SYTL2: variants seen among roughly 807,000 people sequenced by gnomAD.
SYTL2 encodes synaptotagmin like 2.
Under a neutral mutation model 198.7 loss-of-function variants are expected in SYTL2, and 165 were observed. The ratio of observed to expected loss-of-function variants is 0.83; its 90% CI spans 0.73 to 0.94. SYTL2 has a LOEUF of 0.94. SYTL2 is among the 40% of genes least tolerant of loss of function. The pLI, the probability that SYTL2 is intolerant of heterozygous loss-of-function variation, is 0.00. For missense variants in SYTL2, 2,835 were observed against 2,582.8 expected (o/e 1.10, Z -2.12); for synonymous variants, 966 against 917.7 (o/e 1.05, Z -0.95).
At chr11:85,783,414 A>G (rs775260136) in intron 1 of SYTL2, among the ~76,000 whole-genome samples, 12 of 152,172 alleles carry the variant, frequency 7.9e-5, no homozygotes, top group Non-Finnish European at 1.3e-4. Context: ...CTACAATTCA[A>G]GATGATATTT....
At position 85,734,424 on chromosome 11, in the gene SYTL2, G is replaced by A. The variant is rs2090137043; in HGVS notation, c.905C>T (p.Ser302Leu). ...HNFEPKSKIV[S>L]PGLTIHERIS... Reference sequence around the variant, plus strand: ...TCTCTCATGGATGGTTAGGCCAGGTGACACAATTTTGCTTTTGGGTTCAAA... The same window carrying A: ...TCTCTCATGGATGGTTAGGCCAGGTAACACAATTTTGCTTTTGGGTTCAAA... Residue 302 changes from serine to leucine, a missense_variant, in exon 7 of 20, where the codon TCA becomes TTA. Around this residue, in one of 3 missense-constraint regions of SYTL2, gnomAD observed 2,645 missense variants for 2,381.7 expected, o/e 1.11. Coordinates refer to ENST00000359152, the MANE Select transcript of SYTL2 (RefSeq NM_206927.4). The A allele has an allele frequency of 1.9e-6, 3 of 1,614,066 alleles. No homozygotes were observed. Among genetic ancestry groups the A allele is most frequent in the African/African-American group, 1.3e-5 (1 of 74,930 alleles).
intron 2 of SYTL2, among the ~76,000 whole-genome samples, chr11:85,752,937 A>G (rs989331344): frequency 1.4e-5 from 2 of 141,508 alleles, no homozygotes; most frequent in Non-Finnish European, 3.0e-5. Flanking sequence ...AAAAAAAAAA[A>G]AAAAAAAAAA....
intron 1 of SYTL2, among the ~76,000 whole-genome samples, chr11:85,800,218 G>T (rs1272450935): frequency 6.6e-6 from 1 of 152,124 alleles, no homozygotes; most frequent in African/African-American, 2.4e-5. Context: ...ACAGTGAAAG[G>T]GCTTGGGGAT....
In SYTL2 at chr11:85,726,888, C is replaced by G; in HGVS notation, c.2470G>C (p.Ala824Pro). 6.5e-7 allele frequency: 1 copy of G among 1,536,634 alleles called. No individual in the cohort carries two copies. Among genetic ancestry groups the G allele is most frequent in the Non-Finnish European group, 8.7e-7 (1 of 1,146,990 alleles). ...TSSCSQEQPS[A>P]KAYQPVKKSQ... ...TTCTTCACAGGCTGATATGCTTTAG[C>G]AGAAGGTTGTTCCTGGCTACATGAA... The change falls in exon 8 of 20, where the codon GCT (alanine) becomes CCT (proline). Residue 824 changes from alanine (A) to proline (P), a missense_variant. Physicochemically the swap from Ala to Pro is conservative, Grantham distance 27. Around this residue, in one of 3 missense-constraint regions of SYTL2, gnomAD observed 2,645 missense variants for 2,381.7 expected, o/e 1.11. Transcript: ENST00000359152.
intron 2 of SYTL2, among the ~76,000 whole-genome samples, chr11:85,748,846 G>A (rs1200260150): frequency 6.6e-6 from 1 of 152,166 alleles, no homozygotes; most frequent in African/African-American, 2.4e-5. Context: ...GTTTAACCGA[G>A]TGAATTCATT....
At position 85,725,829 on chromosome 11, in the gene SYTL2, A is replaced by C; in HGVS notation, c.3529T>G (p.Phe1177Val). Residue 1177 changes from phenylalanine (F) to valine (V), a missense_variant, in exon 8 of 20, where the codon TTT becomes GTT. Coordinates refer to ENST00000359152, the MANE Select transcript of SYTL2 (RefSeq NM_206927.4). ...ENRTWPQKTDFADTEEEVKGP... is the reference protein window; with the variant it reads ...ENRTWPQKTDVADTEEEVKGP... Reference sequence around the variant, plus strand: ...TTGACTTCTTCCTCAGTATCAGCAAAATCTGTTTTTTGAGGCCATGTCCTA... The same window carrying C: ...TTGACTTCTTCCTCAGTATCAGCAACATCTGTTTTTTGAGGCCATGTCCTA... 1.2e-6 allele frequency: 2 copies of C among 1,613,984 alleles called. No individual in the cohort carries two copies. The highest frequency in any genetic ancestry group is 1.7e-6 in the Non-Finnish European group (2 of 1,179,956).
chr11:85,766,532 G>T (rs117261982), intron 1 of SYTL2, among the ~76,000 whole-genome samples: 1 of 152,170 alleles, frequency 6.6e-6, no homozygotes. Context: ...ATATCCATGG[G>T]CTTTTATTAA....
chr11:85,756,405 A>C (rs534166693), intron 2 of SYTL2, among the ~76,000 whole-genome samples: 1 of 152,222 alleles, frequency 6.6e-6, no homozygotes, highest in East Asian at 1.9e-4. Context: ...CCCTTCCTCC[A>C]TTGCCAGGTC....
chr11:85,847,605 C>T, the SYTL2 span, among the ~76,000 whole-genome samples: 1 of 152,276 alleles, frequency 6.6e-6, no homozygotes, highest in East Asian at 1.9e-4. Context: ...ATGAAAGTTC[C>T]AGTTACTCCA....
chr11:85,816,915 CAAAAAA>C, the SYTL2 span, among the ~76,000 whole-genome samples: 3 of 80,918 alleles, frequency 3.7e-5, no homozygotes, highest in South Asian at 4.9e-4. Context: ...AACCCTGTCT[CAAAAAA>C]AAAAAAAAAA....
At chr11:85,792,183 T>A (rs146851538) in intron 1 of SYTL2, among the ~76,000 whole-genome samples, 1 of 152,140 alleles carries the variant, frequency 6.6e-6, no homozygotes, top group East Asian at 1.9e-4. Context: ...GAAGAGGACA[T>A]GACTTACTTG....
Position 85,709,440 on chromosome 11 carries a change from T to C in SYTL2, c.5806A>G (p.Asn1936Asp), listed in dbSNP as rs896636241. 4.3e-6 allele frequency: 7 copies of C among 1,614,022 alleles called. No individual in the cohort carries two copies. In the Admixed American group the frequency reaches 8.3e-5, roughly 19 times the overall value. ...GDFGNLEVKG[N>D]IQFAIEYVES... ...ACATATTCAATTGCAAACTGAATAT[T>C]TCCTTTAACTTCCAGATTGCCAAAG... is the stretch of plus-strand genomic sequence containing the variant. The change falls in exon 14 of 20, where the codon AAT (asparagine) becomes GAT (aspartate). Residue 1936 changes from asparagine to aspartate, a missense_variant. Asn to Asp is a conservative substitution (Grantham distance 23). This residue lies in a region of SYTL2 where 2,645 missense variants were observed against 2,381.7 expected (regional missense o/e 1.11). Transcript: ENST00000359152.
At chr11:85,765,641 T>C (rs1473022010) in intron 1 of SYTL2, among the ~76,000 whole-genome samples, 1 of 152,228 alleles carries the variant, frequency 6.6e-6, no homozygotes, top group African/African-American at 2.4e-5. Flanking sequence ...GCCATCTTTC[T>C]ACTTCATTCA....
intron 2 of SYTL2, among the ~76,000 whole-genome samples, chr11:85,749,396 A>T (rs1479115528): frequency 6.6e-6 from 1 of 152,176 alleles, no homozygotes; most frequent in African/African-American, 2.4e-5. Context: ...ACTAATATGC[A>T]CTCTTCCTCA....
At chr11:85,786,110 A>C (rs917261779) in intron 1 of SYTL2, among the ~76,000 whole-genome samples, 1 of 152,240 alleles carries the variant, frequency 6.6e-6, no homozygotes, top group Non-Finnish European at 1.5e-5. Context: ...ACTTGGATGA[A>C]TCTCAAGGGA....
At chr11:85,802,816 A>G (rs1215827114) in intron 1 of SYTL2, among the ~76,000 whole-genome samples, 1 of 152,242 alleles carries the variant, frequency 6.6e-6, no homozygotes, top group East Asian at 1.9e-4. Context: ...GGAAGTTGAG[A>G]GTCCTATCCC....
rs761952412 is a variant in SYTL2, at chr11:85,734,316, A to G, written c.1013T>C (p.Val338Ala). ...EPLKHVRFSAVKDELPQSPGL... is the reference protein window; with the variant it reads ...EPLKHVRFSAAKDELPQSPGL... ...AGGACTCTGTGGAAGCTCATCCTTCACTGCAGAGAATCTCACATGCTTTAA... is the reference window on the plus strand; with the variant it reads ...AGGACTCTGTGGAAGCTCATCCTTCGCTGCAGAGAATCTCACATGCTTTAA... Residue 338 changes from valine to alanine, a missense_variant, in exon 7 of 20, where the codon GTG becomes GCG. This residue lies in a region of SYTL2 where 2,645 missense variants were observed against 2,381.7 expected (regional missense o/e 1.11). Coordinates refer to ENST00000359152, the MANE Select transcript of SYTL2 (RefSeq NM_206927.4). 6 of 1,614,206 alleles carry G rather than the reference A, an allele frequency of 3.7e-6. No individual in the cohort carries two copies. Among genetic ancestry groups the G allele is most frequent in the Non-Finnish European group, 5.1e-6 (6 of 1,180,008 alleles).
At chr11:85,698,797 C>A (rs2083812555) in intron 17 of SYTL2, among the ~76,000 whole-genome samples, 1 of 152,216 alleles carries the variant, frequency 6.6e-6, no homozygotes, top group Non-Finnish European at 1.5e-5. Context: ...CCTCAGCCTC[C>A]TAAAGTGTTG....
At chr11:85,746,217 G>T (rs1022605727) in intron 3 of SYTL2, among the ~76,000 whole-genome samples, 1 of 152,084 alleles carries the variant, frequency 6.6e-6, no homozygotes, top group Non-Finnish European at 1.5e-5. Context: ...AGATACAAAG[G>T]GGAACAAATG....
Sources: allele counts gnomAD v4.1 joint callset (sites outside exome capture counted in the v4.1 genomes callset), GRCh38; gene constraint gnomAD v4.1.1; regional missense constraint gnomAD v4.1.1; transcripts MANE v1.5; gene names NCBI Gene and HGNC (gene_info 2026-07-23, HGNC 2026-07-21).